UGT2B10: variants seen among roughly 807,000 people sequenced by gnomAD.
UGT2B10 encodes UDP glucuronosyltransferase family 2 member B10, also known as UDP-glucuronosyltransferase 2B10.
UGT2B10 carries 51 observed loss-of-function variants against 43.7 expected under a neutral mutation model. The observed-to-expected ratio is 1.17, with a 90% CI of 0.93 to 1.47. UGT2B10 has a LOEUF of 1.47. Among genes scored for constraint, UGT2B10 ranks in the 40% most tolerant of loss-of-function variants. The pLI is 0.00. For synonymous variants in UGT2B10, 225 were observed against 209.0 expected (o/e 1.08, Z -0.66); for missense variants, 696 against 617.7 (o/e 1.13, Z -1.34).
chr4:68,827,965 A>G (rs917307960), intron 5 of UGT2B10, among the ~76,000 whole-genome samples: 3 of 151,986 alleles, frequency 2.0e-5, no homozygotes, highest in Admixed American at 6.6e-5. Context: ...TTATTGTAAC[A>G]GACTTGAAAA....
At chr4:68,820,451 A>G (rs1247769680) in intron 2 of UGT2B10, among the ~76,000 whole-genome samples, 1 of 152,084 alleles carries the variant, frequency 6.6e-6, no homozygotes, top group Non-Finnish European at 1.5e-5. Flanking sequence ...AAAATTAATC[A>G]AGGTGTACCT....
At position 68,816,664 on chromosome 4, in the gene UGT2B10, T is replaced by C. The variant is rs761441621; in HGVS notation, c.645T>C (p.Tyr215=). The change falls in exon 1 of 6, where the codon TAT becomes TAC. Residue 215 remains tyrosine (Y), a synonymous_variant. Transcript: ENST00000265403. ...TFMERVKNML[Y]VLYFDFWFQI... ...TGGAGAGGGTAAAAAATATGCTCTA[T>C]GTGCTTTATTTTGACTTTTGGTTCC... 10 of 1,612,414 alleles carry C rather than the reference T, an allele frequency of 6.2e-6. No homozygotes were observed. The South Asian group carries it at 8.8e-5, about 14-fold the overall frequency.
At chr4:68,827,671 A>G (rs1737867580) in intron 5 of UGT2B10, 123 bp downstream of exon 5, 13 of 1,448,738 alleles carry the variant, frequency 9.0e-6, no homozygotes, top group Non-Finnish European at 1.2e-5. Flanking sequence ...GATTTAACCA[A>G]TCCGAAATCT....
chr4:68,817,384 T>C (rs1383757714), intron 1 of UGT2B10, among the ~76,000 whole-genome samples: 1 of 151,800 alleles, frequency 6.6e-6, no homozygotes, highest in Non-Finnish European at 1.5e-5. Flanking sequence ...TGAAACTATG[T>C]CTCTTTATTT....
chr4:68,827,641 G>A (rs71615097), intron 5 of UGT2B10, 93 bp downstream of exon 5: 2 of 1,533,458 alleles, frequency 1.3e-6, no homozygotes, highest in South Asian at 1.3e-5. Flanking sequence ...ATAAGAGAGT[G>A]ATTTTGAAAG....
In UGT2B10 at chr4:68,830,739, ACCTG is replaced by A. The variant is rs774188592; in HGVS notation, c.1448_1451del (p.Thr483SerfsTer9). On this transcript the variant is annotated frameshift_variant, in exon 6 of 6. Coordinates refer to ENST00000265403, the MANE Select transcript of UGT2B10 (RefSeq NM_001075.6). LOFTEE classifies it low-confidence loss of function (END_TRUNC). ...TCTTCGAGTTGCAGCCCACAACCTC[ACCTG>A]GTTCCAGTACCACTCTTTGGATGTG... The A allele has an allele frequency of 5.5e-5, 88 of 1,613,482 alleles. 2 individuals carry two copies. In the African/African-American group the frequency reaches 1.1e-3, roughly 20 times the overall value.
At chr4:68,821,652 C>T (rs900210901) in intron 2 of UGT2B10, among the ~76,000 whole-genome samples, 2 of 152,134 alleles carry the variant, frequency 1.3e-5, no homozygotes, top group Admixed American at 1.3e-4. Flanking sequence ...TTCTTAACCC[C>T]CAGCTTTTAT....
chr4:68,822,825 T>A (rs1737578267), intron 3 of UGT2B10, among the ~76,000 whole-genome samples: 1 of 152,142 alleles, frequency 6.6e-6, no homozygotes, highest in Admixed American at 6.6e-5. Flanking sequence ...AAAATATATA[T>A]CCAGAACTGT....
At position 68,818,187 on chromosome 4, in the gene UGT2B10, C is replaced by A. The variant is rs192168699; in HGVS notation, c.867+10C>A. 4.3e-3 allele frequency: 6,988 copies of A among 1,606,602 alleles called. 20 individuals are homozygous for A. The highest frequency in any genetic ancestry group is 5.3e-3 in the Middle Eastern group (32 of 6,000). On this transcript the variant is annotated intron_variant, in intron 2 of 5. Transcript: ENST00000265403. ...CAAACCCCTACCTAAGGTAAACATA[C>A]TTTCGTTGGTTTTATTTTGTTGGCT...
chr4:68,821,504 C>A (rs1370946961), intron 2 of UGT2B10, among the ~76,000 whole-genome samples: 3 of 152,022 alleles, frequency 2.0e-5, no homozygotes, highest in African/African-American at 7.2e-5. Context: ...AATACGTGCT[C>A]CACCTAAACA....
chr4:68,816,399 A>T lies in UGT2B10; in HGVS notation c.380A>T (p.Lys127Ile). 1 of 1,612,792 alleles carries T rather than the reference A, an allele frequency of 6.2e-7. No individual in the cohort carries two copies. Among genetic ancestry groups the T allele is most frequent in the East Asian group, 2.2e-5 (1 of 44,748 alleles). Residue 127 changes from lysine (K) to isoleucine (I), a missense_variant, in exon 1 of 6, where the codon AAA (lysine) becomes ATA (isoleucine). Lys to Ile is a moderately radical substitution (Grantham distance 102). Transcript: ENST00000265403. ...AATGACATAATTAGAAACTTCTGTA[A>T]AGATGTAGTTTCAAATAAGAAACTT... is the stretch of plus-strand genomic sequence containing the variant. ...AINDIIRNFC[K>I]DVVSNKKLMK...
intron 2 of UGT2B10, among the ~76,000 whole-genome samples, 169 bp from the exon 3 acceptor site, chr4:68,822,102 C>G (rs1039833167): frequency 6.6e-6 from 1 of 152,092 alleles, no homozygotes; most frequent in Non-Finnish European, 1.5e-5. Context: ...CTATCTCATA[C>G]ATCTTCTTGC....
rs564100526 is a variant in UGT2B10 at position 68,816,665 on chromosome 4, G to A, written c.646G>A (p.Val216Met). ...GGAGAGGGTAAAAAATATGCTCTAT[G>A]TGCTTTATTTTGACTTTTGGTTCCA... ...FMERVKNMLY[V>M]LYFDFWFQIF... Residue 216 changes from valine (V) to methionine (M), a missense_variant, in exon 1 of 6, where the codon GTG becomes ATG. By Grantham distance (21) the Val-to-Met change is conservative (BLOSUM62 1). Coordinates refer to ENST00000265403, the MANE Select transcript of UGT2B10 (RefSeq NM_001075.6). 1 of 1,612,360 alleles carries A rather than the reference G, an allele frequency of 6.2e-7. No homozygotes were observed. The highest frequency in any genetic ancestry group is 1.3e-5 in the African/African-American group (1 of 74,970).
chr4:68,823,239 G>A (rs1044590637), intron 3 of UGT2B10, among the ~76,000 whole-genome samples: 2 of 152,132 alleles, frequency 1.3e-5, no homozygotes, highest in Admixed American at 6.6e-5. Context: ...TGGGCATGGT[G>A]GTTCGCGCCT....
intron 3 of UGT2B10, among the ~76,000 whole-genome samples, chr4:68,825,071 C>T (rs1376135761): frequency 6.6e-6 from 1 of 151,922 alleles, no homozygotes; most frequent in Admixed American, 6.6e-5. Flanking sequence ...TATAGACTTG[C>T]TATTTTGTCA....
Position 68,816,077 on chromosome 4 carries a change from G to A in UGT2B10, c.58G>A (p.Gly20Arg), listed in dbSNP as rs1704164463. Residue 20 changes from glycine to arginine, a missense_variant, in exon 1 of 6, where the codon GGG becomes AGG. Transcript: ENST00000265403. ...ACAACTCAGTTTTTACTTTAGCTCT[G>A]GGAGTTGTGGAAAGGTGCTGGTATG... ...LIQLSFYFSSGSCGKVLVWAA... is the reference protein window; with the variant it reads ...LIQLSFYFSSRSCGKVLVWAA... 1.2e-6 allele frequency: 2 copies of A among 1,612,972 alleles called. No individual in the cohort carries two copies. The highest frequency in any genetic ancestry group is 3.3e-5 in the Admixed American group (2 of 59,898).
intron 2 of UGT2B10, among the ~76,000 whole-genome samples, chr4:68,821,848 C>T (rs1737515676): frequency 6.6e-6 from 1 of 151,300 alleles, no homozygotes; most frequent in Admixed American, 6.6e-5. Context: ...CTACAGAAAA[C>T]CTGCCTGAAA....
chr4:68,830,945 A>G lies in UGT2B10; in HGVS notation c.*66A>G. 6.5e-7 allele frequency: 1 copy of G among 1,526,758 alleles called. No homozygotes were observed. The highest frequency in any genetic ancestry group is 2.1e-5 in the Admixed American group (1 of 46,728). The allele number at this position is 1,526,758 out of a possible 1,614,324, so 94.6% of individuals were successfully genotyped here. ...AATACTTCAGTTGATTCCAGCAATA[A>G]ATATTGTGATGCAAGATTTCTTTCT... is the stretch of plus-strand genomic sequence containing the variant. On this transcript the variant is annotated 3_prime_UTR_variant, in exon 6 of 6. Transcript: ENST00000265403.
Position 68,831,465 on chromosome 4 carries a change from G to A in UGT2B10, c.*586G>A, listed in dbSNP as rs1738098396. ...GAGTCACTAACATAAAAGAAGAATG[G>A]GATGAGGTGAGAAGGATGAATACAA... On this transcript the variant is annotated 3_prime_UTR_variant, in exon 6 of 6. Transcript: ENST00000265403. Among the ~76,000 whole-genome samples, 1 of 152,048 alleles carries A rather than the reference G, an allele frequency of 6.6e-6. No individual in the cohort carries two copies. The highest frequency in any genetic ancestry group is 2.1e-4 in the South Asian group (1 of 4,826).
Sources: gnomAD v4.1 joint callset for allele counts (sites outside exome capture counted in the v4.1 genomes callset) on GRCh38, gnomAD v4.1.1 for gene constraint, MANE v1.5 for transcripts, NCBI Gene and HGNC (gene_info 2026-07-23, HGNC 2026-07-21) for gene names.